The following CHST15 variants were observed in gnomAD, a reference collection of about 807,000 sequenced individuals.
The protein encoded by CHST15 is carbohydrate sulfotransferase 15.
In CHST15, 30 loss-of-function variants were observed where a neutral mutation model predicts 53.6. That is an observed-to-expected ratio of 0.56 (90% CI 0.42 to 0.76). The LOEUF (loss-of-function observed/expected upper bound fraction) is 0.76, where lower values mean the gene tolerates loss of function less well. Among genes scored for constraint, CHST15 ranks in the 30% least tolerant of loss-of-function variants. CHST15 has a pLI of 0.00. For synonymous variants in CHST15, 296 were observed against 289.8 expected (o/e 1.02, Z -0.22); for missense variants, 627 against 740.5 (o/e 0.85, Z 1.78).
At chr10:124,011,225 A>G (rs1300358950) in intron 7 of CHST15, among the ~76,000 whole-genome samples, 1 of 152,194 alleles carries the variant, frequency 6.6e-6, no homozygotes, top group Non-Finnish European at 1.5e-5. Flanking sequence ...GGCTCTTGGG[A>G]TCTGGCCAAA....
chr10:124,044,506 A>C, intron 3 of CHST15, 74 bp downstream of exon 3: 1 of 1,246,686 alleles, frequency 8.0e-7, no homozygotes, highest in Non-Finnish European at 1.1e-6. Context: ...CCCCAACCCC[A>C]GCGCTAACGT....
intron 5 of CHST15, among the ~76,000 whole-genome samples, chr10:124,034,762 C>T (rs1444888582): frequency 8.5e-5 from 12 of 141,504 alleles, no homozygotes; most frequent in African/African-American, 7.9e-5. Flanking sequence ...CTAACAGGGA[C>T]GCCGGCTCCA....
chr10:124,044,729 T>C lies in CHST15; in HGVS notation c.737A>G (p.Lys246Arg). ...FWGHLAHAHG[K>R]HFRLRCLPHF... ...CGGCAGGCAGCGCAGGCGGAAGTGC[T>C]TCCCGTGCGCGTGCGCCAGGTGGCC... is the stretch of plus-strand genomic sequence containing the variant. Residue 246 changes from lysine to arginine, a missense_variant, in exon 3 of 8, where the codon AAG (lysine) becomes AGG (arginine). Lys to Arg is a conservative substitution (Grantham distance 26, BLOSUM62 2). This residue lies in a region of CHST15 where 161 missense variants were observed against 117.2 expected (regional missense o/e 1.37). Transcript: ENST00000435907. The C allele has an allele frequency of 6.2e-7, 1 of 1,613,608 alleles. No individual in the cohort carries two copies. Among genetic ancestry groups the C allele is most frequent in the Non-Finnish European group, 8.5e-7 (1 of 1,179,856 alleles).
rs931418322 is a variant in CHST15, at chr10:124,008,731, G to A, written c.*1418C>T. On this transcript the variant is annotated 3_prime_UTR_variant, in exon 8 of 8. Transcript: ENST00000435907. ...ACGGGTGCTTGCACTTTCTGGCTTTGGTGGGCGAGACCTTGGCCTGAGAAC... is the reference window on the plus strand; with the variant it reads ...ACGGGTGCTTGCACTTTCTGGCTTTAGTGGGCGAGACCTTGGCCTGAGAAC... The A allele has an allele frequency of 2.6e-6, 3 of 1,146,256 alleles. No homozygotes were observed. In the African/African-American group the frequency reaches 4.8e-5, roughly 19 times the overall value. 71.0% of individuals were successfully genotyped at this position (1,146,256 alleles called of 1,614,324 possible).
At chr10:124,051,780 T>G (rs571995667) in intron 1 of CHST15, among the ~76,000 whole-genome samples, 4 of 152,298 alleles carry the variant, frequency 2.6e-5, no homozygotes, top group African/African-American at 9.6e-5. Flanking sequence ...CCAAGCATCA[T>G]TAGCAAGCCA....
intron 1 of CHST15, among the ~76,000 whole-genome samples, chr10:124,087,995 C>G (rs1949486601): frequency 6.6e-6 from 1 of 152,230 alleles, no homozygotes; most frequent in Non-Finnish European, 1.5e-5. Flanking sequence ...TAGCTGGAGC[C>G]AAGGCTTGCA....
At chr10:124,051,947 A>T (rs1357179357) in intron 1 of CHST15, among the ~76,000 whole-genome samples, 2 of 152,352 alleles carry the variant, frequency 1.3e-5, no homozygotes, top group East Asian at 3.9e-4. Context: ...CAGAAGAAAG[A>T]TGTATGAAAC....
chr10:124,009,843 T>C lies in CHST15; in HGVS notation c.*306A>G. 2.6e-6 allele frequency: 3 copies of C among 1,138,318 alleles called. No homozygotes were observed. The highest frequency in any genetic ancestry group is 2.4e-5 in the South Asian group (1 of 41,852). 70.5% of individuals were successfully genotyped at this position (1,138,318 alleles called of 1,614,324 possible). On this transcript the variant is annotated 3_prime_UTR_variant, in exon 8 of 8. Transcript: ENST00000435907. The stretch of plus-strand genomic sequence containing the variant: ...GCCAGGCTGCCTTCCCTAGGTGTTC[T>C]CTCCACACCCAGTGCAGGCCAGCTG...
At chr10:124,012,585 C>T in intron 6 of CHST15, 105 bp from the exon 7 acceptor site, 1 of 1,282,132 alleles carries the variant, frequency 7.8e-7, no homozygotes, top group East Asian at 2.5e-5. Context: ...AAAGAGTTAT[C>T]CTAGCAAAGT....
chr10:124,051,949 G>A (rs1299822191), intron 1 of CHST15, among the ~76,000 whole-genome samples: 5 of 152,164 alleles, frequency 3.3e-5, no homozygotes, highest in Non-Finnish European at 5.9e-5. Flanking sequence ...GAAGAAAGAT[G>A]TATGAAACTT....
chr10:124,048,408 G>C (rs1232835226), intron 1 of CHST15, among the ~76,000 whole-genome samples: 1 of 152,198 alleles, frequency 6.6e-6, no homozygotes, highest in Non-Finnish European at 1.5e-5. Context: ...CTGCAGAGGC[G>C]CTGGGGCGGG....
Position 124,008,279 on chromosome 10 carries a change from C to G in CHST15, c.*1870G>C. ...ATCTATAAAAGGGTTGTGTCCAGAG[C>G]GGAGGAGCCTCATTAGCAACTGAAC... On this transcript the variant is annotated 3_prime_UTR_variant, in exon 8 of 8. Coordinates refer to ENST00000435907, the MANE Select transcript of CHST15 (RefSeq NM_001270764.2). 8.6e-7 allele frequency: 1 copy of G among 1,157,136 alleles called. No individual in the cohort carries two copies. The highest frequency in any genetic ancestry group is 1.1e-6 in the Non-Finnish European group (1 of 941,842). The allele number at this position is 1,157,136 out of a possible 1,614,324, so 71.7% of individuals were successfully genotyped here. A position where few individuals can be genotyped will look rare whatever the true frequency, so the allele number is the denominator to read the frequency against.
At chr10:124,037,639 G>A (rs757418378) in intron 5 of CHST15, among the ~76,000 whole-genome samples, 12 of 152,206 alleles carry the variant, frequency 7.9e-5, no homozygotes, top group Non-Finnish European at 1.8e-4. Context: ...CATAAATGAT[G>A]CAAGCAGTGC....
chr10:124,059,690 C>T (rs1948496555), intron 1 of CHST15, among the ~76,000 whole-genome samples: 1 of 152,174 alleles, frequency 6.6e-6, no homozygotes, highest in South Asian at 2.1e-4. Flanking sequence ...GCACGATGCA[C>T]CCTAGAATGA....
Position 124,021,388 on chromosome 10 carries a change from A to G in CHST15, c.1215T>C (p.Phe405=). ...VERLYSDYLY[F]ASSNKSADDF... is the part of the protein sequence containing the mutation. The stretch of plus-strand genomic sequence containing the variant: ...CGTCCGCGGATTTATTCGAACTTGC[A>G]AAGTAGAGATAGTCTGAGTACAACC... Residue 405 remains phenylalanine (F), a synonymous_variant, in exon 6 of 8, where the codon TTT becomes TTC. Transcript: ENST00000435907. 2 of 1,613,898 alleles carry G rather than the reference A, an allele frequency of 1.2e-6. No individual in the cohort carries two copies. Among genetic ancestry groups the G allele is most frequent in the Non-Finnish European group, 1.7e-6 (2 of 1,179,814 alleles).
At chr10:124,081,945 C>T (rs1949256623) in intron 1 of CHST15, among the ~76,000 whole-genome samples, 1 of 152,176 alleles carries the variant, frequency 6.6e-6, no homozygotes, top group Admixed American at 6.5e-5. Context: ...GAATTGGTTC[C>T]TAATTTAATT....
At chr10:124,032,599 A>G (rs535927588) in intron 5 of CHST15, among the ~76,000 whole-genome samples, 1 of 152,342 alleles carries the variant, frequency 6.6e-6, no homozygotes, top group African/African-American at 2.4e-5. Context: ...TTTACCACTT[A>G]CGAATGGGAT....
intron 1 of CHST15, chr10:124,092,256 C>A: frequency 6.5e-6 from 1 of 154,846 alleles, no homozygotes; most frequent in South Asian, 2.0e-4. Context: ...CCTCCGCGCC[C>A]CGGCCGCTGC....
In CHST15 at chr10:124,044,722, G is replaced by A. The variant is rs1317165549; in HGVS notation, c.744C>T (p.Phe248=). ...AGAAGTGCGGCAGGCAGCGCAGGCG[G>A]AAGTGCTTCCCGTGCGCGTGCGCCA... ...GHLAHAHGKH[F]RLRCLPHFYI... Residue 248 remains phenylalanine (F), a synonymous_variant, in exon 3 of 8, where the codon TTC becomes TTT. Transcript: ENST00000435907. 6.2e-7 allele frequency: 1 copy of A among 1,613,788 alleles called. No homozygotes were observed.
Sources: gnomAD v4.1 joint callset for allele counts (sites outside exome capture counted in the v4.1 genomes callset) on GRCh38, gnomAD v4.1.1 for gene constraint, gnomAD v4.1.1 regional missense constraint, MANE v1.5 for transcripts, NCBI Gene and HGNC (gene_info 2026-07-23, HGNC 2026-07-21) for gene names.